ZMIZ1: variants seen among roughly 807,000 people sequenced by gnomAD.
ZMIZ1 encodes zinc finger MIZ-type containing 1.
ZMIZ1 carries 17 observed loss-of-function variants against 113.9 expected under a neutral mutation model. The ratio of observed to expected loss-of-function variants is 0.15; its 90% confidence interval spans 0.10 to 0.22. The LOEUF (loss-of-function observed/expected upper bound fraction) is 0.22. ZMIZ1 is among the 10% of genes least tolerant of loss of function. The pLI is 1.00. For missense variants in ZMIZ1, 1,059 were observed against 1,477.8 expected, an observed-to-expected ratio of 0.72 and a Z score of 4.65; for synonymous variants, 607 against 603.1, an observed-to-expected ratio of 1.01 and a Z score of -0.09.
chr10:79,090,088 C>A (rs949630108), intron 1 of ZMIZ1, among the ~76,000 whole-genome samples: 1 of 152,238 alleles, frequency 6.6e-6, no homozygotes, highest in Non-Finnish European at 1.5e-5. Flanking sequence ...TTCTGAATGA[C>A]CCTACTGCTG....
At chr10:79,194,590 T>G (rs570253966) in intron 4 of ZMIZ1, among the ~76,000 whole-genome samples, 4 of 152,312 alleles carry the variant, frequency 2.6e-5, no homozygotes, top group Admixed American at 6.5e-5. Context: ...CTTCTCTCCT[T>G]GCTGACTTGG....
At position 79,139,299 on chromosome 10, in the gene ZMIZ1, G is replaced by A. The variant is rs113281220; in HGVS notation, c.-226-383G>A. On this transcript the variant is annotated intron_variant, in intron 2 of 24. Transcript: ENST00000334512. ...AGGCACGGCGCAGAGAGGAGGCCAC[G>A]GCAAGGGCTTTGTACACCCGGCTAA... Among the ~76,000 whole-genome samples the A allele has an allele frequency of 2.6e-3, 389 of 152,208 alleles. 2 individuals carry two copies. Among genetic ancestry groups the A allele is most frequent in the African/African-American group, 8.7e-3 (361 of 41,518 alleles).
chr10:79,105,925 C>A (rs1398230247), intron 1 of ZMIZ1, among the ~76,000 whole-genome samples: 1 of 152,216 alleles, frequency 6.6e-6, no homozygotes, highest in African/African-American at 2.4e-5. Flanking sequence ...TCACCAACTT[C>A]TGTGCCCTTG....
At chr10:79,290,500 G>A (rs572238176) in intron 9 of ZMIZ1, among the ~76,000 whole-genome samples, 1 of 152,334 alleles carries the variant, frequency 6.6e-6, no homozygotes. Flanking sequence ...GCCCTCCAGA[G>A]CTAGCAGGGT....
chr10:79,183,492 C>G (rs917826333), intron 4 of ZMIZ1, among the ~76,000 whole-genome samples: 7 of 152,144 alleles, frequency 4.6e-5, no homozygotes, highest in African/African-American at 1.7e-4. Flanking sequence ...TAAACTGCTG[C>G]CTGCCCTAAC....
At chr10:79,174,174 G>T (rs1420241204) in intron 4 of ZMIZ1, among the ~76,000 whole-genome samples, 1 of 152,194 alleles carries the variant, frequency 6.6e-6, no homozygotes, top group Non-Finnish European at 1.5e-5. Flanking sequence ...CAGCTTTGGG[G>T]CAGGCCTGCC....
At chr10:79,110,485 C>T (rs1843699478) in intron 1 of ZMIZ1, among the ~76,000 whole-genome samples, 1 of 152,106 alleles carries the variant, frequency 6.6e-6, no homozygotes, top group Non-Finnish European at 1.5e-5. Flanking sequence ...GCTTTTCTTC[C>T]AGGGAACTGA....
At chr10:79,150,424 C>T (rs878907749) in intron 3 of ZMIZ1, among the ~76,000 whole-genome samples, 64 of 152,390 alleles carry the variant, frequency 4.2e-4, no homozygotes, top group Admixed American at 9.8e-4. Context: ...CCACGCCCGT[C>T]CTGCACCCCC....
chr10:79,239,603 A>G (rs1176360755), intron 7 of ZMIZ1, among the ~76,000 whole-genome samples: 1 of 152,058 alleles, frequency 6.6e-6, no homozygotes, highest in Non-Finnish European at 1.5e-5. Flanking sequence ...CCCTGGCTTC[A>G]TTGTTCTCCC....
chr10:79,172,023 A>T (rs564981439), intron 4 of ZMIZ1, among the ~76,000 whole-genome samples: 13 of 152,322 alleles, frequency 8.5e-5, no homozygotes, highest in African/African-American at 3.1e-4. Context: ...GGTACATCAC[A>T]TACACTCAAG....
intron 4 of ZMIZ1, among the ~76,000 whole-genome samples, chr10:79,177,259 G>A (rs919186962): frequency 1.3e-5 from 2 of 152,116 alleles, no homozygotes; most frequent in East Asian, 3.8e-4. Context: ...CAGTGGAAAA[G>A]TGAAGCCTTT....
At chr10:79,071,969 G>C (rs1842299863) in intron 1 of ZMIZ1, among the ~76,000 whole-genome samples, 1 of 150,904 alleles carries the variant, frequency 6.6e-6, no homozygotes, top group Non-Finnish European at 1.5e-5. Context: ...GTGACTGGGG[G>C]TGGGGGCTGG....
intron 7 of ZMIZ1, among the ~76,000 whole-genome samples, chr10:79,265,565 C>A (rs1253588710): frequency 1.4e-5 from 2 of 148,014 alleles, no homozygotes; most frequent in Non-Finnish European, 3.0e-5. Context: ...TCAGGAGGAG[C>A]TGAAACTCAG....
At position 79,313,519 on chromosome 10, in the gene ZMIZ1, C is replaced by G. The variant is rs1855342418; in HGVS notation, c.*770C>G. ...ACGTCCCTGAGGCTCCACCTCCAAG[C>G]TCAGACAGGGCCCAGGCTTGGGGAA... is the stretch of plus-strand genomic sequence containing the variant. On this transcript the variant is annotated 3_prime_UTR_variant, in exon 25 of 25. Coordinates refer to ENST00000334512, the MANE Select transcript of ZMIZ1 (RefSeq NM_020338.4). 6.2e-6 allele frequency: 1 copy of G among 161,232 alleles called. No individual in the cohort carries two copies. The highest frequency in any genetic ancestry group is 1.3e-5 in the Non-Finnish European group (1 of 74,154). The allele number at this position is 161,232 out of a possible 1,614,324, so 10.0% of individuals were successfully genotyped here.
intron 1 of ZMIZ1, among the ~76,000 whole-genome samples, chr10:79,083,557 C>T (rs1375101826): frequency 9.0e-6 from 1 of 111,654 alleles, no homozygotes; most frequent in East Asian, 2.5e-4. Context: ...AAGTAAAGGA[C>T]TGAGGCTATC....
chr10:79,112,387 C>A (rs1843781283), intron 1 of ZMIZ1, among the ~76,000 whole-genome samples: 1 of 152,136 alleles, frequency 6.6e-6, no homozygotes, highest in Non-Finnish European at 1.5e-5. Flanking sequence ...TGTGCAGGAG[C>A]AGGGGAATGG....
chr10:79,272,164 T>C (rs990570292), intron 7 of ZMIZ1, among the ~76,000 whole-genome samples: 4 of 152,008 alleles, frequency 2.6e-5, no homozygotes, highest in African/African-American at 9.7e-5. Context: ...TGCACAACTG[T>C]AGTCCCAGCT....
chr10:79,285,451 A>G (rs965279612), intron 8 of ZMIZ1: 7 of 455,894 alleles, frequency 1.5e-5, no homozygotes, highest in Non-Finnish European at 2.6e-5. Context: ...CCCATTTCAT[A>G]GATGAGGTTG....
intron 4 of ZMIZ1, among the ~76,000 whole-genome samples, chr10:79,191,906 C>G (rs1447430580): frequency 6.6e-6 from 1 of 152,198 alleles, no homozygotes; most frequent in Non-Finnish European, 1.5e-5. Flanking sequence ...TGAGGCTTAA[C>G]TGATGTGACA....
Sources: allele counts gnomAD v4.1 joint callset (sites outside exome capture counted in the v4.1 genomes callset), GRCh38; gene constraint gnomAD v4.1.1; transcripts MANE v1.5; gene names NCBI Gene and HGNC (gene_info 2026-07-23, HGNC 2026-07-21).